Variants in KLK1 observed in about 807,000 individuals in gnomAD.
The protein encoded by KLK1 is kallikrein 1, also known as kallikrein-1.
In KLK1, 22 loss-of-function variants were observed where a neutral mutation model predicts 23.3. The ratio of observed to expected loss-of-function variants is 0.95; its 90% CI spans 0.68 to 1.35. KLK1 has a LOEUF of 1.35. Ranked by LOEUF, KLK1 falls within the 40% of genes most tolerant of loss-of-function variation. The pLI is 0.00. For missense variants in KLK1, 301 were observed against 338.9 expected (o/e 0.89, Z 0.88); for synonymous variants, 140 against 135.8 (o/e 1.03, Z -0.21).
chr19:50,819,810 G>A (rs2089810680), intron 4 of KLK1, 89 bp downstream of exon 4: 2 of 1,316,134 alleles, frequency 1.5e-6, no homozygotes, highest in South Asian at 1.4e-5. Context: ...AAGCAGTGAA[G>A]CAGATGCCTG....
At position 50,823,706 on chromosome 19, in the gene KLK1, T is replaced by TC. The variant is rs758242614; in HGVS notation, c.42dup (p.Thr15AspfsTer18). The TC allele has an allele frequency of 2.4e-5, 38 of 1,591,888 alleles. No individual in the cohort carries two copies. Among genetic ancestry groups the TC allele is most frequent in the East Asian group, 1.1e-4 (5 of 44,510 alleles). On this transcript the variant is annotated frameshift_variant, in exon 1 of 5. Coordinates refer to ENST00000301420, the MANE Select transcript of KLK1 (RefSeq NM_002257.4). LOFTEE classifies it high-confidence loss of function. ...CCACATCCCCCCACTGTCTCACCAG[T>TC]CCCCCCCAGGGACAGGGCGAGGCAC...
chr19:50,820,711 G>C, intron 2 of KLK1: 1 of 353,172 alleles, frequency 2.8e-6, no homozygotes, highest in Non-Finnish European at 5.1e-6. Flanking sequence ...GGGGAGGGCA[G>C]TGAGAAACAG....
At position 50,819,169 on chromosome 19, in the gene KLK1, G is replaced by A; in HGVS notation, c.*25C>T. On this transcript the variant is annotated 3_prime_UTR_variant, in exon 5 of 5. Coordinates refer to ENST00000301420, the MANE Select transcript of KLK1 (RefSeq NM_002257.4). ...CATTGGATGCACATTTGATTTTACT[G>A]GGGGTAGGGGACAGGGCTGGGCGTT... 6.3e-7 allele frequency: 1 copy of A among 1,585,208 alleles called. No homozygotes were observed. The highest frequency in any genetic ancestry group is 1.3e-5 in the African/African-American group (1 of 74,332).
chr19:50,823,749 G>C lies in KLK1; in HGVS notation c.-1C>G. The C allele has an allele frequency of 6.8e-6, 11 of 1,610,632 alleles. No individual in the cohort carries two copies. The highest frequency in any genetic ancestry group is 9.3e-6 in the Non-Finnish European group (11 of 1,177,536). ...CGAGGCACAGAACCAGGAACCACAT[G>C]GTGACAGAGGTGTCCAGGGGCCAGC... On this transcript the variant is annotated 5_prime_UTR_variant, in exon 1 of 5. Coordinates refer to ENST00000301420, the MANE Select transcript of KLK1 (RefSeq NM_002257.4).
In KLK1 at chr19:50,820,524, C is replaced by T. The variant is rs2089820803; in HGVS notation, c.207-81G>A. 1.1e-5 allele frequency: 10 copies of T among 940,726 alleles called. No individual in the cohort carries two copies. The South Asian group carries it at 1.5e-4, about 14-fold the overall frequency. 58.3% of individuals were successfully genotyped at this position (940,726 alleles called of 1,614,324 possible). A position where few individuals can be genotyped will look rare whatever the true frequency, so the allele number is the denominator to read the frequency against. ...GGCAGGGGAGCATGGGGGAGGGTCCCCAAAGAGAGAAAGGGAAAGAGAAAA... is the reference window on the plus strand; with the variant it reads ...GGCAGGGGAGCATGGGGGAGGGTCCTCAAAGAGAGAAAGGGAAAGAGAAAA... On this transcript the variant is annotated intron_variant, in intron 2 of 4. Transcript: ENST00000301420.
Position 50,819,900 on chromosome 19 carries a change from A to G in KLK1, c.632T>C (p.Val211Ala). Reference protein sequence around the residue: ...GHLEGGKDTCVGDSGGPLMCD... With the variant: ...GHLEGGKDTCAGDSGGPLMCD... ...ACCCTGGGGGCAGGGCTGCCTCACC[A>G]CACAGGTGTCTTTGCCACCTTCCAG... Residue 211 changes from valine to alanine, a missense_variant and splice_region_variant, in exon 4 of 5, where the codon GTG (valine) becomes GCG (alanine). Physicochemically the swap from Val to Ala is moderately conservative, Grantham distance 64. Transcript: ENST00000301420. The G allele has an allele frequency of 6.2e-7, 1 of 1,614,108 alleles. No individual in the cohort carries two copies. Among genetic ancestry groups the G allele is most frequent in the Non-Finnish European group, 8.5e-7 (1 of 1,179,992 alleles).
intron 4 of KLK1, among the ~76,000 whole-genome samples, chr19:50,819,631 T>G (rs1196603863): frequency 2.0e-5 from 3 of 151,976 alleles, no homozygotes. Flanking sequence ...TGCGGGCACA[T>G]CGCAGAGGCC....
At chr19:50,822,574 TG>T in intron 1 of KLK1, 1 of 985,186 alleles carries the variant, frequency 1.0e-6, no homozygotes, top group African/African-American at 1.7e-5. Context: ...GTCCTTCCTG[TG>T]AACCAGGAAT....
Position 50,819,150 on chromosome 19 carries a change from A to G in KLK1, c.*44T>C, listed in dbSNP as rs2089803972. On this transcript the variant is annotated 3_prime_UTR_variant, in exon 5 of 5. Transcript: ENST00000301420. Reference sequence around the variant, plus strand: ...GATGGCAGAACGTGACACACATTGGATGCACATTTGATTTTACTGGGGGTA... The same window carrying G: ...GATGGCAGAACGTGACACACATTGGGTGCACATTTGATTTTACTGGGGGTA... 6.4e-7 allele frequency: 1 copy of G among 1,557,434 alleles called. No individual in the cohort carries two copies. Among genetic ancestry groups the G allele is most frequent in the African/African-American group, 1.4e-5 (1 of 73,888 alleles).
Position 50,821,672 on chromosome 19 carries a change from G to T in KLK1, c.206+40C>A. The stretch of plus-strand genomic sequence containing the variant: ...CCACTGGCCTGTCAATCCTGTGGCA[G>T]CATAGATGCCCTCCTCCCAGACCCC... On this transcript the variant is annotated intron_variant, in intron 2 of 4. Coordinates refer to ENST00000301420, the MANE Select transcript of KLK1 (RefSeq NM_002257.4). The surrounding 1 kb of genome is among the most constrained non-coding windows in gnomAD (Gnocchi z 5.6). 2 of 1,537,114 alleles carry T rather than the reference G, an allele frequency of 1.3e-6. No homozygotes were observed. The highest frequency in any genetic ancestry group is 1.8e-6 in the Non-Finnish European group (2 of 1,138,702).
chr19:50,820,743 T>A (rs918892097), intron 2 of KLK1: 3 of 271,342 alleles, frequency 1.1e-5, no homozygotes, highest in Non-Finnish European at 2.0e-5. Context: ...AAGAGGCAGA[T>A]GAGAAGGATA....
chr19:50,819,583 G>T (rs2089809049), intron 4 of KLK1, among the ~76,000 whole-genome samples: 1 of 152,214 alleles, frequency 6.6e-6, no homozygotes. Context: ...GACAGGTTAG[G>T]GGGAGGAGGG....
In KLK1 at chr19:50,819,326, C is replaced by T; in HGVS notation, c.657G>A (p.Met219Ile). 6.2e-7 allele frequency: 1 copy of T among 1,611,988 alleles called. No homozygotes were observed. The highest frequency in any genetic ancestry group is 1.1e-5 in the South Asian group (1 of 90,998). Residue 219 changes from methionine (M) to isoleucine (I), a missense_variant, in exon 5 of 5, where the codon ATG becomes ATA. Met to Ile is a conservative substitution (Grantham distance 10). Coordinates refer to ENST00000301420, the MANE Select transcript of KLK1 (RefSeq NM_002257.4). ...TCVGDSGGPLMCDGVLQGVTS... is the reference protein window; with the variant it reads ...TCVGDSGGPLICDGVLQGVTS... Reference sequence around the variant, plus strand: ...TGACACCTTGGAGCACACCATCACACATCAGCGGGCCCCCTGAATCACCCT... The same window carrying T: ...TGACACCTTGGAGCACACCATCACATATCAGCGGGCCCCCTGAATCACCCT...
In KLK1 at chr19:50,820,190, A is replaced by G. The variant is rs1555763494; in HGVS notation, c.460T>C (p.Leu154=). 6.2e-7 allele frequency: 1 copy of G among 1,608,292 alleles called. No individual in the cohort carries two copies. The highest frequency in any genetic ancestry group is 1.7e-5 in the Admixed American group (1 of 59,868). ...TCGATGCTGCCCCAGCCGGAAGCCA[A>G]ACAGGTGCTCCCCACTTCGGGTTCC... The part of the protein sequence containing the change: ...TEEPEVGSTC[L]ASGWGSIEPE... The change falls in exon 3 of 5, where the codon TTG becomes CTG. Residue 154 remains leucine (L), a synonymous_variant. Coordinates refer to ENST00000301420, the MANE Select transcript of KLK1 (RefSeq NM_002257.4).
rs1413781098 is a variant in KLK1, at chr19:50,821,502, A to T, written c.206+210T>A. 2.0e-5 allele frequency among the ~76,000 whole-genome samples: 3 copies of T among 151,990 alleles called. No individual in the cohort carries two copies. The highest frequency in any genetic ancestry group is 7.3e-5 in the African/African-American group (3 of 41,370). On this transcript the variant is annotated intron_variant, in intron 2 of 4. Transcript: ENST00000301420. The surrounding 1 kb of genome is among the most constrained non-coding windows in gnomAD (Gnocchi z 5.6). ...GAGACCAGAACACAGTCACACAGAG[A>T]CACAAGCAGAACCAGATCCCAAGAG...
chr19:50,821,699 G>T lies in KLK1; in HGVS notation c.206+13C>A. On this transcript the variant is annotated intron_variant, in intron 2 of 4. Coordinates refer to ENST00000301420, the MANE Select transcript of KLK1 (RefSeq NM_002257.4). The surrounding 1 kb of genome is among the most constrained non-coding windows in gnomAD (Gnocchi z 5.6). ...ATAGATGCCCTCCTCCCAGACCCCA[G>T]GCCCCTACTCACTCGCTGATGCAAT... is the stretch of plus-strand genomic sequence containing the variant. 1 of 1,591,192 alleles carries T rather than the reference G, an allele frequency of 6.3e-7. No homozygotes were observed. The highest frequency in any genetic ancestry group is 8.6e-7 in the Non-Finnish European group (1 of 1,167,160).
At position 50,823,686 on chromosome 19, in the gene KLK1, T is replaced by G; in HGVS notation, c.46+17A>C. The G allele has an allele frequency of 2.0e-6, 3 of 1,506,468 alleles. No individual in the cohort carries two copies. Among genetic ancestry groups the G allele is most frequent in the Non-Finnish European group, 2.8e-6 (3 of 1,089,796 alleles). 93.3% of individuals were successfully genotyped at this position (1,506,468 alleles called of 1,614,324 possible). A position where few individuals can be genotyped will look rare whatever the true frequency, so the allele number is the denominator to read the frequency against. ...ATCAGGGCCCGTTCCCCCTCCCACA[T>G]CCCCCCACTGTCTCACCAGTCCCCC... On this transcript the variant is annotated intron_variant, in intron 1 of 4. Transcript: ENST00000301420.
chr19:50,821,616 C>G lies in KLK1; in HGVS notation c.206+96G>C, dbSNP rs964413516. 61 of 1,424,376 alleles carry G rather than the reference C, an allele frequency of 4.3e-5. No individual in the cohort carries two copies. The highest frequency in any genetic ancestry group is 2.8e-5 in the Admixed American group (1 of 36,258). 88.2% of individuals were successfully genotyped at this position (1,424,376 alleles called of 1,614,324 possible). On this transcript the variant is annotated intron_variant, in intron 2 of 4. Transcript: ENST00000301420. This position sits in a 1 kb window ranked among gnomAD's most constrained non-coding sequence, Gnocchi z 5.6. ...AGCCTTCCTCTCTGCCTCAGCCCCC[C>G]AGTCTTGCCTGAGGTTATCCAAGGG... is the stretch of plus-strand genomic sequence containing the variant.
rs2089831227 is a variant in KLK1, at chr19:50,821,961, AG to A, written c.47-91del. ...AGAGGGAGCTGGGCTGTGGGTCTGA[AG>A]GGACATTGCGGGTAGAGGACCAGGG... On this transcript the variant is annotated intron_variant, in intron 1 of 4. Transcript: ENST00000301420. The surrounding 1 kb of genome is among the most constrained non-coding windows in gnomAD (Gnocchi z 5.6). The A allele has an allele frequency of 6.7e-7, 1 of 1,503,434 alleles. No homozygotes were observed. Among genetic ancestry groups the A allele is most frequent in the Admixed American group, 2.3e-5 (1 of 44,142 alleles). 93.1% of individuals were successfully genotyped at this position (1,503,434 alleles called of 1,614,324 possible).
Sources: allele counts gnomAD v4.1 joint callset (sites outside exome capture counted in the v4.1 genomes callset), GRCh38; gene constraint gnomAD v4.1.1; non-coding constraint Gnocchi (gnomAD v3.1); transcripts MANE v1.5; gene names NCBI Gene and HGNC (gene_info 2026-07-23, HGNC 2026-07-21).